Variants in FAM13B observed in about 807,000 individuals in gnomAD.
FAM13B encodes the protein family with sequence similarity 13 member B.
Under a neutral mutation model 117.3 loss-of-function variants are expected in FAM13B, and 60 were observed. The observed-to-expected ratio is 0.51, with a 90% CI of 0.42 to 0.63. The LOEUF is 0.63. Among genes scored for constraint, FAM13B ranks in the 30% least tolerant of loss-of-function variants. The pLI, the probability that FAM13B is intolerant of heterozygous loss-of-function variation, is 0.00. For missense variants in FAM13B, 972 were observed against 1,091.9 expected (o/e 0.89, Z 1.55); for synonymous variants, 332 against 356.1 (o/e 0.93, Z 0.76).
intron 14 of FAM13B, 154 bp from the exon 15 acceptor site, chr5:137,954,530 G>A (rs201464731): frequency 2.5e-3 from 55 of 22,306 alleles, no homozygotes; most frequent in East Asian, 0.011. Context: ...ACACATACAT[G>A]TGTGTGTGTA....
At chr5:137,985,918 G>A (rs1007987655) in intron 9 of FAM13B, among the ~76,000 whole-genome samples, 4 of 152,100 alleles carry the variant, frequency 2.6e-5, no homozygotes, top group Non-Finnish European at 5.9e-5. Flanking sequence ...CTGAGCAATG[G>A]GTATAGGTTT....
In FAM13B at chr5:137,988,257, A is replaced by G. The variant is rs774939011; in HGVS notation, c.890+17T>C. 6.5e-7 allele frequency: 1 copy of G among 1,527,358 alleles called. No individual in the cohort carries two copies. The highest frequency in any genetic ancestry group is 1.3e-5 in the South Asian group (1 of 79,092). The allele number at this position is 1,527,358 out of a possible 1,614,324, so 94.6% of individuals were successfully genotyped here. A position where few individuals can be genotyped will look rare whatever the true frequency, so the allele number is the denominator to read the frequency against. Reference sequence around the variant, plus strand: ...TTAAAATCTTAAAAATTTGTCTTCTATAAATATACTACTTACTCTGTAGAG... The same window carrying G: ...TTAAAATCTTAAAAATTTGTCTTCTGTAAATATACTACTTACTCTGTAGAG... On this transcript the variant is annotated intron_variant, in intron 8 of 23. Transcript: ENST00000689681.
chr5:137,959,813 AC>A, intron 12 of FAM13B, 50 bp from the exon 13 acceptor site: 1 of 1,576,246 alleles, frequency 6.3e-7, no homozygotes, highest in Non-Finnish European at 8.7e-7. Flanking sequence ...AGCTTTTCAC[AC>A]CCAGCTTAAA....
chr5:137,999,688 C>T (rs1780731182), intron 7 of FAM13B, among the ~76,000 whole-genome samples: 1 of 152,180 alleles, frequency 6.6e-6, no homozygotes, highest in Admixed American at 6.5e-5. Context: ...AACAAAATGC[C>T]ATACACTAGG....
At chr5:138,039,500 A>G (rs931712641) in intron 1 of FAM13B, 2 of 152,056 alleles carry the variant, frequency 1.3e-5, no homozygotes, top group Non-Finnish European at 2.9e-5. Flanking sequence ...CAGTGGCCCA[A>G]TTATAGCTCA....
chr5:137,977,108 G>T (rs542173945), intron 10 of FAM13B, among the ~76,000 whole-genome samples: 1 of 151,974 alleles, frequency 6.6e-6, no homozygotes, highest in African/African-American at 2.4e-5. Flanking sequence ...TGGCCTCCTT[G>T]GGTGTGGCCA....
chr5:137,973,932 A>G (rs1295986771), intron 10 of FAM13B, among the ~76,000 whole-genome samples: 4 of 143,710 alleles, frequency 2.8e-5, no homozygotes, highest in African/African-American at 1.0e-4. Context: ...TTAGAATGGC[A>G]ATCATTAAAA....
chr5:137,954,905 A>T (rs1327107514), intron 14 of FAM13B, among the ~76,000 whole-genome samples: 2 of 152,142 alleles, frequency 1.3e-5, no homozygotes. Flanking sequence ...TACAGGCATG[A>T]GCCACTGTGC....
At chr5:137,947,396 T>C (rs1019956715) in intron 18 of FAM13B, among the ~76,000 whole-genome samples, 1 of 152,138 alleles carries the variant, frequency 6.6e-6, no homozygotes, top group East Asian at 1.9e-4. Context: ...CCAAAGATAA[T>C]ACATTTGCAT....
chr5:137,945,119 AG>A (rs761159343), intron 20 of FAM13B, among the ~76,000 whole-genome samples: 2 of 152,150 alleles, frequency 1.3e-5, no homozygotes, highest in African/African-American at 2.4e-5. Context: ...GAAAAAAAAA[AG>A]AAAGTCACCA....
At chr5:137,958,103 C>A (rs1767106580) in intron 13 of FAM13B, among the ~76,000 whole-genome samples, 1 of 152,208 alleles carries the variant, frequency 6.6e-6, no homozygotes, top group South Asian at 2.1e-4. Flanking sequence ...TTTGAAGACT[C>A]ATTTCCTAGC....
chr5:137,953,427 CTCTT>C lies in FAM13B; in HGVS notation c.1753_1756del (p.Lys585GlufsTer44), dbSNP rs767840569. The C allele has an allele frequency of 6.2e-7, 1 of 1,613,846 alleles. No homozygotes were observed. Among genetic ancestry groups the C allele is most frequent in the Non-Finnish European group, 8.5e-7 (1 of 1,179,850 alleles). ...CAGCTGATAAGGTGTTCTGTCCTCT[CTCTT>C]TTCATCTTTTGAACTAAAGGATGAT... On this transcript the variant is annotated frameshift_variant, in exon 16 of 24. Transcript: ENST00000689681. LOFTEE classifies it high-confidence loss of function.
intron 16 of FAM13B, 37 bp downstream of exon 16, chr5:137,953,294 AATATT>A (rs1415870295): frequency 6.2e-7 from 1 of 1,604,728 alleles, no homozygotes; most frequent in Non-Finnish European, 8.5e-7. Context: ...TCTCAGTTCT[AATATT>A]AGATTAAGCT....
chr5:137,960,768 A>T (rs900684895), intron 11 of FAM13B, among the ~76,000 whole-genome samples: 10 of 152,178 alleles, frequency 6.6e-5, no homozygotes, highest in South Asian at 2.1e-4. Context: ...ATTTTAAAAA[A>T]TTTCAGTCCA....
intron 10 of FAM13B, among the ~76,000 whole-genome samples, chr5:137,975,232 T>C (rs1476145547): frequency 1.3e-5 from 2 of 152,112 alleles, no homozygotes; most frequent in Non-Finnish European, 1.5e-5. Flanking sequence ...CCAACTAATA[T>C]TCCCCTCTTC....
intron 1 of FAM13B, among the ~76,000 whole-genome samples, chr5:138,031,232 T>C (rs527716473): frequency 5.9e-5 from 9 of 152,042 alleles, no homozygotes; most frequent in Admixed American, 4.6e-4. Flanking sequence ...GACATTCTAA[T>C]AAAAAAAACT....
At chr5:138,022,661 A>T (rs1289043311) in intron 1 of FAM13B, among the ~76,000 whole-genome samples, 1 of 152,174 alleles carries the variant, frequency 6.6e-6, no homozygotes, top group East Asian at 1.9e-4. Context: ...TATTTAACAG[A>T]CTTACACTAA....
chr5:138,013,900 A>ATCTTTACTTTAC (rs1784651355), intron 4 of FAM13B, among the ~76,000 whole-genome samples: 1 of 152,070 alleles, frequency 6.6e-6, no homozygotes. Context: ...CTACTTTACC[A>ATCTTTACTTTAC]TCTTCCCTTA....
Position 138,007,023 on chromosome 5 carries a change from T to A in FAM13B, c.815A>T (p.Asn272Ile). The A allele has an allele frequency of 6.2e-7, 1 of 1,610,716 alleles. No individual in the cohort carries two copies. The highest frequency in any genetic ancestry group is 8.5e-7 in the Non-Finnish European group (1 of 1,179,254). Reference sequence around the variant, plus strand: ...CGTAACACTATTTGATTCCAGGATGTTTTCAGTCATCCTTAATTGTACCAC... The same window carrying A: ...CGTAACACTATTTGATTCCAGGATGATTTCAGTCATCCTTAATTGTACCAC... ...PEVVQLRMTENILESNSVTAT... is the reference protein window; with the variant it reads ...PEVVQLRMTEIILESNSVTAT... Residue 272 changes from asparagine to isoleucine, a missense_variant, in exon 7 of 24, where the codon AAC becomes ATC. Coordinates refer to ENST00000689681, the MANE Select transcript of FAM13B (RefSeq NM_001385994.1).
Sources: gnomAD v4.1 joint callset for allele counts (sites outside exome capture counted in the v4.1 genomes callset) on GRCh38, gnomAD v4.1.1 for gene constraint, MANE v1.5 for transcripts, NCBI Gene and HGNC (gene_info 2026-07-23, HGNC 2026-07-21) for gene names.